The following ARFGEF1 variants were observed in gnomAD, a reference collection of about 807,000 sequenced individuals.
ARFGEF1 encodes ARF guanine nucleotide exchange factor 1.
In ARFGEF1, 42 loss-of-function variants were observed where a neutral mutation model predicts 231.0. The ratio of observed to expected loss-of-function variants is 0.18; its 90% CI spans 0.14 to 0.24. The LOEUF (loss-of-function observed/expected upper bound fraction) is 0.24, where lower values mean the gene tolerates loss of function less well. Ranked by LOEUF, ARFGEF1 falls within the 10% of genes least tolerant of loss-of-function variation. ARFGEF1 has a pLI of 1.00. For missense variants in ARFGEF1, 1,345 were observed against 2,192.0 expected, an observed-to-expected ratio of 0.61 and a Z score of 7.72; for synonymous variants, 710 against 732.3, an observed-to-expected ratio of 0.97 and a Z score of 0.49.
intron 5 of ARFGEF1, among the ~76,000 whole-genome samples, chr8:67,182,398 CTT>C (rs1833281168): frequency 6.6e-6 from 1 of 152,076 alleles, no homozygotes; most frequent in Admixed American, 6.6e-5. Context: ...TCAGTAGACA[CTT>C]GAGTTGCTTC....
downstream of ARFGEF1, among the ~76,000 whole-genome samples, chr8:67,195,121 C>T (rs1015935559): frequency 7.2e-5 from 11 of 152,152 alleles, no homozygotes; most frequent in Non-Finnish European, 1.2e-4. Context: ...TAGAATCCCT[C>T]TGGTTGCTAG....
intron 5 of ARFGEF1, among the ~76,000 whole-genome samples, chr8:67,294,212 A>T (rs1370114981): frequency 6.6e-6 from 1 of 152,182 alleles, no homozygotes; most frequent in African/African-American, 2.4e-5. Flanking sequence ...CCATTTTATA[A>T]AACAGACTTG....
At chr8:67,227,699 A>C in intron 25 of ARFGEF1, 101 bp from the exon 26 acceptor site, 1 of 1,274,666 alleles carries the variant, frequency 7.8e-7, no homozygotes, top group Non-Finnish European at 1.1e-6. Flanking sequence ...TAGCATAGAT[A>C]GGTAAATCCT....
chr8:67,201,752 T>G lies in ARFGEF1; in HGVS notation c.5129-147A>C, dbSNP rs769861439. 122 of 1,031,048 alleles carry G rather than the reference T, an allele frequency of 1.2e-4. 1 individual carries two copies. The highest frequency in any genetic ancestry group is 1.7e-4 in the Non-Finnish European group (116 of 702,514). 63.9% of individuals were successfully genotyped at this position (1,031,048 alleles called of 1,614,324 possible). A position where few individuals can be genotyped will look rare whatever the true frequency, so the allele number is the denominator to read the frequency against. On this transcript the variant is annotated intron_variant, in intron 36 of 38. Coordinates refer to ENST00000262215, the MANE Select transcript of ARFGEF1 (RefSeq NM_006421.5). Reference sequence around the variant, plus strand: ...GAGCCACAGCAGCCTGATGTGAAGGTGATTTCCATGTCCAGAATTCCCTCC... The same window carrying G: ...GAGCCACAGCAGCCTGATGTGAAGGGGATTTCCATGTCCAGAATTCCCTCC...
At chr8:67,298,773 G>T (rs753927286) in intron 4 of ARFGEF1, among the ~76,000 whole-genome samples, 4 of 151,870 alleles carry the variant, frequency 2.6e-5, no homozygotes, top group Non-Finnish European at 4.4e-5. Flanking sequence ...TGACCTCTTC[G>T]TTTTTTTCTT....
rs114945642 is a variant in ARFGEF1 at position 67,299,619 on chromosome 8, C to G, written c.313-264G>C. On this transcript the variant is annotated intron_variant, in intron 3 of 38. Transcript: ENST00000262215. ...CCATCAGGTAATATTTTGAGAAAGTCAGGCCTTGGAGAACCTGTCTCTGAT... is the reference window on the plus strand; with the variant it reads ...CCATCAGGTAATATTTTGAGAAAGTGAGGCCTTGGAGAACCTGTCTCTGAT... 6.5e-3 allele frequency among the ~76,000 whole-genome samples: 983 copies of G among 152,252 alleles called. 7 individuals are homozygous for G. The highest frequency in any genetic ancestry group is 0.023 in the African/African-American group (943 of 41,546).
chr8:67,318,585 A>G (rs1315642524), intron 1 of ARFGEF1, among the ~76,000 whole-genome samples: 1 of 152,246 alleles, frequency 6.6e-6, no homozygotes, highest in African/African-American at 2.4e-5. Context: ...AAAAACTCTA[A>G]GAACTCATAA....
intron 19 of ARFGEF1, among the ~76,000 whole-genome samples, chr8:67,246,006 A>G (rs1399223527): frequency 6.6e-6 from 1 of 150,620 alleles, no homozygotes; most frequent in Admixed American, 6.6e-5. Context: ...CAAAGCCAAT[A>G]TGCAATGATA....
At chr8:67,338,210 C>T (rs1808436702) in intron 1 of ARFGEF1, among the ~76,000 whole-genome samples, 1 of 152,130 alleles carries the variant, frequency 6.6e-6, no homozygotes, top group South Asian at 2.1e-4. Flanking sequence ...TCTTCTCCTT[C>T]CCACACTATT....
chr8:67,216,577 G>C lies in ARFGEF1; in HGVS notation c.4686+13C>G, dbSNP rs944403521. On this transcript the variant is annotated intron_variant, in intron 33 of 38. Transcript: ENST00000262215. Reference sequence around the variant, plus strand: ...ATAACTAATTTCAATATACTTTACTGATTAAAACTTACCAATGGCTTTTCA... The same window carrying C: ...ATAACTAATTTCAATATACTTTACTCATTAAAACTTACCAATGGCTTTTCA... 5 of 1,593,458 alleles carry C rather than the reference G, an allele frequency of 3.1e-6. No homozygotes were observed. The highest frequency in any genetic ancestry group is 4.3e-6 in the Non-Finnish European group (5 of 1,172,964).
At chr8:67,317,336 C>G (rs540892496) in intron 1 of ARFGEF1, among the ~76,000 whole-genome samples, 114 of 152,224 alleles carry the variant, frequency 7.5e-4, no homozygotes, top group African/African-American at 2.7e-3. Context: ...GGTCTGGAAA[C>G]TCTCAAGCAT....
At chr8:67,343,105 G>GGGCC in intron 1 of ARFGEF1, 59 bp downstream of exon 1, 1 of 483,916 alleles carries the variant, frequency 2.1e-6, no homozygotes, top group Non-Finnish European at 3.2e-6. Flanking sequence ...CCCCCCACAG[G>GGGCC]CGCCCCCCTC....
chr8:67,306,435 A>G (rs541217263), intron 1 of ARFGEF1, among the ~76,000 whole-genome samples: 1 of 152,324 alleles, frequency 6.6e-6, no homozygotes, highest in Non-Finnish European at 1.5e-5. Flanking sequence ...CACAGGACAC[A>G]TTTAATAAAC....
rs779117076 is a variant in ARFGEF1, at chr8:67,266,882, T to C, written c.1915A>G (p.Thr639Ala). 6 of 1,610,366 alleles carry C rather than the reference T, an allele frequency of 3.7e-6. No individual in the cohort carries two copies. In the Admixed American group the frequency reaches 5.0e-5, roughly 14 times the overall value. ...DQYVNPNSQT[T>A]LGQEKPSEQE... ...GCTCAAAATATCACCTTACCAAGAGTTGTCTGGGAGTTGGGATTCACATAC... is the reference window on the plus strand; with the variant it reads ...GCTCAAAATATCACCTTACCAAGAGCTGTCTGGGAGTTGGGATTCACATAC... Residue 639 changes from threonine to alanine, a missense_variant, in exon 13 of 39, where the codon ACT (threonine) becomes GCT (alanine). Physicochemically the swap from Thr to Ala is moderately conservative, Grantham distance 58. Coordinates refer to ENST00000262215, the MANE Select transcript of ARFGEF1 (RefSeq NM_006421.5).
At chr8:67,206,849 T>G (rs901409062) in intron 34 of ARFGEF1, among the ~76,000 whole-genome samples, 1 of 152,208 alleles carries the variant, frequency 6.6e-6, no homozygotes, top group East Asian at 1.9e-4. Flanking sequence ...GCTGGGCGAC[T>G]TACAATCCCT....
intron 1 of ARFGEF1, among the ~76,000 whole-genome samples, chr8:67,331,100 C>T (rs1808079179): frequency 1.3e-5 from 2 of 151,992 alleles, no homozygotes; most frequent in South Asian, 4.2e-4. Context: ...ACTAGTCAAT[C>T]TTACCAGATA....
chr8:67,232,552 A>G lies in ARFGEF1; in HGVS notation c.3380+303T>C, dbSNP rs117046320. Among the ~76,000 whole-genome samples the G allele has an allele frequency of 4.8e-4, 73 of 152,156 alleles. No homozygotes were observed. In the East Asian group the frequency reaches 0.013, roughly 28 times the overall value. ...TTTTCAAATAGGGATAATAAGGGGAATAAGTTTTCTACGAGAAAATAAAAC... is the reference window on the plus strand; with the variant it reads ...TTTTCAAATAGGGATAATAAGGGGAGTAAGTTTTCTACGAGAAAATAAAAC... On this transcript the variant is annotated intron_variant, in intron 23 of 38. Transcript: ENST00000262215.
At chr8:67,295,046 C>T (rs1361247149) in intron 5 of ARFGEF1, among the ~76,000 whole-genome samples, 1 of 151,474 alleles carries the variant, frequency 6.6e-6, no homozygotes, top group African/African-American at 2.4e-5. Context: ...ATTTGGGCAA[C>T]AAAATAAGTA....
chr8:67,180,991 T>G (rs1270908477), intron 5 of ARFGEF1, among the ~76,000 whole-genome samples: 1 of 152,128 alleles, frequency 6.6e-6, no homozygotes, highest in Admixed American at 6.5e-5. Flanking sequence ...GATTTTCATG[T>G]GATAAAATTC....
Sources: allele counts gnomAD v4.1 joint callset (sites outside exome capture counted in the v4.1 genomes callset), GRCh38; gene constraint gnomAD v4.1.1; transcripts MANE v1.5; gene names NCBI Gene and HGNC (gene_info 2026-07-23, HGNC 2026-07-21).